Variants in DACH1 observed in about 807,000 individuals in gnomAD.
DACH1 encodes dachshund family transcription factor 1, also known as dachshund homolog 1.
DACH1 carries 12 observed loss-of-function variants against 54.2 expected under a neutral mutation model. The ratio of observed to expected loss-of-function variants is 0.22; its 90% CI spans 0.14 to 0.36. The LOEUF (loss-of-function observed/expected upper bound fraction) is 0.36, where lower values mean the gene tolerates loss of function less well. DACH1 is among the 10% of genes least tolerant of loss of function. DACH1 has a pLI of 1.00. For synonymous variants in DACH1, 386 were observed against 366.2 expected, an observed-to-expected ratio of 1.05 and a Z score of -0.62; for missense variants, 805 against 929.8, an observed-to-expected ratio of 0.87 and a Z score of 1.75.
intron 1 of DACH1, among the ~76,000 whole-genome samples, chr13:71,857,940 A>T (rs775008678): frequency 6.6e-6 from 1 of 151,720 alleles, no homozygotes; most frequent in Admixed American, 6.6e-5. Context: ...AAAATATAAG[A>T]CTATGAATAA....
chr13:71,810,139 A>G (rs1016459868), intron 1 of DACH1, among the ~76,000 whole-genome samples: 2 of 152,196 alleles, frequency 1.3e-5, no homozygotes, highest in African/African-American at 4.8e-5. Context: ...AATGACAACC[A>G]CAACTTAGTG....
chr13:71,690,346 G>A (rs1007424761), intron 1 of DACH1, among the ~76,000 whole-genome samples: 1 of 152,092 alleles, frequency 6.6e-6, no homozygotes, highest in African/African-American at 2.4e-5. Context: ...TTCATTTAGT[G>A]GCATGTTTGT....
chr13:71,613,148 A>G (rs1875463053), intron 3 of DACH1, among the ~76,000 whole-genome samples: 2 of 152,220 alleles, frequency 1.3e-5, no homozygotes, highest in South Asian at 4.1e-4. Context: ...AAAGACATTT[A>G]AGCAGAGACT....
chr13:71,541,825 T>C (rs1235645644), intron 6 of DACH1, among the ~76,000 whole-genome samples: 1 of 152,000 alleles, frequency 6.6e-6, no homozygotes, highest in Non-Finnish European at 1.5e-5. Context: ...TGAGTTGCAG[T>C]AGAATTCTAT....
intron 1 of DACH1, among the ~76,000 whole-genome samples, chr13:71,716,737 G>A (rs183630721): frequency 1.5e-4 from 23 of 152,204 alleles, no homozygotes; most frequent in Non-Finnish European, 2.6e-4. Context: ...TCTTTTGCCA[G>A]AATTCAATGG....
At chr13:71,625,124 T>A (rs1020573120) in intron 3 of DACH1, among the ~76,000 whole-genome samples, 1 of 151,994 alleles carries the variant, frequency 6.6e-6, no homozygotes, top group African/African-American at 2.4e-5. Context: ...ACTTTTTTTT[T>A]ATAACAGAAA....
chr13:71,722,454 C>T (rs1195289314), intron 1 of DACH1, among the ~76,000 whole-genome samples: 1 of 152,104 alleles, frequency 6.6e-6, no homozygotes, highest in Non-Finnish European at 1.5e-5. Flanking sequence ...CCAAAGAAAG[C>T]AGTGGTTGGT....
intron 4 of DACH1, among the ~76,000 whole-genome samples, chr13:71,570,291 C>T (rs1457509113): frequency 1.3e-5 from 2 of 152,068 alleles, no homozygotes; most frequent in Non-Finnish European, 2.9e-5. Flanking sequence ...TCGTCTCATG[C>T]CTTTCTTAAA....
In DACH1 at chr13:71,602,851, G is replaced by T. The variant is rs181929055; in HGVS notation, c.1126+27705C>A. Among the ~76,000 whole-genome samples, 592 of 152,066 alleles carry T rather than the reference G, an allele frequency of 3.9e-3. 4 individuals carry two copies. The highest frequency in any genetic ancestry group is 6.6e-3 in the Non-Finnish European group (449 of 67,862). On this transcript the variant is annotated intron_variant, in intron 3 of 10. Transcript: ENST00000613252. ...GTCCACATCGTTACTATCCCAGGGG[G>T]AGAGAAATCTAGGGAGGCAGAAATG... is the stretch of plus-strand genomic sequence containing the variant.
chr13:71,441,705 A>C (rs1874021610), intron 10 of DACH1, among the ~76,000 whole-genome samples: 1 of 152,082 alleles, frequency 6.6e-6, no homozygotes, highest in Non-Finnish European at 1.5e-5. Flanking sequence ...AGATAGTCTA[A>C]ATATTTATGG....
chr13:71,683,387 G>A (rs934763609), intron 1 of DACH1, among the ~76,000 whole-genome samples: 1 of 152,000 alleles, frequency 6.6e-6, no homozygotes, highest in Admixed American at 6.6e-5. Context: ...AATTAACCAT[G>A]GAGAAGAAAA....
intron 2 of DACH1, among the ~76,000 whole-genome samples, chr13:71,675,839 G>T (rs1440345018): frequency 7.9e-5 from 12 of 151,934 alleles, no homozygotes. Context: ...CTTATTGACG[G>T]CAACTAAATG....
chr13:71,447,708 C>T (rs1164318823), intron 10 of DACH1, among the ~76,000 whole-genome samples: 1 of 151,508 alleles, frequency 6.6e-6, no homozygotes, highest in African/African-American at 2.4e-5. Context: ...TGGCACACGC[C>T]TGTAGTCCCA....
chr13:71,580,778 T>G (rs532204631), intron 3 of DACH1, among the ~76,000 whole-genome samples: 119 of 152,256 alleles, frequency 7.8e-4, no homozygotes, highest in African/African-American at 2.7e-3. Flanking sequence ...AGGAATCCAC[T>G]TTATCTGCTC....
chr13:71,726,401 G>A (rs894972172), intron 1 of DACH1, among the ~76,000 whole-genome samples: 1 of 151,992 alleles, frequency 6.6e-6, no homozygotes, highest in South Asian at 2.1e-4. Flanking sequence ...ACAAGAAAAC[G>A]CTTTAAATGT....
At chr13:71,592,157 C>CA (rs1160695778) in intron 3 of DACH1, among the ~76,000 whole-genome samples, 1 of 151,996 alleles carries the variant, frequency 6.6e-6, no homozygotes, top group Non-Finnish European at 1.5e-5. Context: ...TGAGTATAAA[C>CA]AAAGCACCTG....
At chr13:71,835,684 TG>T (rs1425253365) in intron 1 of DACH1, among the ~76,000 whole-genome samples, 1 of 152,104 alleles carries the variant, frequency 6.6e-6, no homozygotes, top group Admixed American at 6.6e-5. Flanking sequence ...TTAGTAATAT[TG>T]TTTCTGTTTA....
intron 10 of DACH1, among the ~76,000 whole-genome samples, chr13:71,455,277 C>T (rs1415400678): frequency 6.6e-6 from 1 of 152,052 alleles, no homozygotes; most frequent in Non-Finnish European, 1.5e-5. Context: ...CACACACATA[C>T]CTCTCCATAT....
intron 1 of DACH1, among the ~76,000 whole-genome samples, chr13:71,833,807 G>A (rs1888679497): frequency 6.6e-6 from 1 of 151,898 alleles, no homozygotes; most frequent in Admixed American, 6.6e-5. Context: ...AATAGTAATT[G>A]ATACAATAAA....
Sources: gnomAD v4.1 joint callset for allele counts (sites outside exome capture counted in the v4.1 genomes callset) on GRCh38, gnomAD v4.1.1 for gene constraint, MANE v1.5 for transcripts, NCBI Gene and HGNC (gene_info 2026-07-23, HGNC 2026-07-21) for gene names.